IL34: variants seen among roughly 807,000 people sequenced by gnomAD.
The protein encoded by IL34 is interleukin 34, also known as interleukin-34.
In IL34, 17 loss-of-function variants were observed where a neutral mutation model predicts 25.3. The ratio of observed to expected loss-of-function variants is 0.67; its 90% CI spans 0.46 to 1.01. The LOEUF is 1.01. Ranked by LOEUF, IL34 falls within the 50% of genes least tolerant of loss-of-function variation. The probability of loss-of-function intolerance (pLI) is 0.00; values close to 1 mark genes in which losing one functional copy is unlikely to be tolerated. For synonymous variants in IL34, 174 were observed against 140.9 expected (o/e 1.23, Z -1.66); for missense variants, 368 against 312.9 (o/e 1.18, Z -1.33).
At chr16:70,634,162 C>G (rs527383444) in intron 1 of IL34, among the ~76,000 whole-genome samples, 1 of 152,104 alleles carries the variant, frequency 6.6e-6, no homozygotes, top group South Asian at 2.1e-4. Context: ...TCTCTCTCTT[C>G]TTATCAGGAC....
intron 3 of IL34, 61 bp from the exon 4 acceptor site, chr16:70,656,899 G>T: frequency 6.5e-7 from 1 of 1,539,116 alleles, no homozygotes. Flanking sequence ...CCTGGTGAGG[G>T]AGTGGTCAGA....
At chr16:70,610,188 C>T (rs555215959) in intron 1 of IL34, among the ~76,000 whole-genome samples, 28 of 145,828 alleles carry the variant, frequency 1.9e-4, no homozygotes, top group African/African-American at 6.9e-4. Flanking sequence ...GGCGAAAGAG[C>T]GAGACTCTAT....
intron 1 of IL34, among the ~76,000 whole-genome samples, chr16:70,620,335 T>C (rs1343618973): frequency 1.3e-5 from 2 of 152,168 alleles, no homozygotes; most frequent in Non-Finnish European, 2.9e-5. Flanking sequence ...GCATTCACCT[T>C]GACTATGCCT....
intron 1 of IL34, among the ~76,000 whole-genome samples, chr16:70,618,678 C>T (rs943107406): frequency 6.6e-6 from 1 of 151,984 alleles, no homozygotes; most frequent in African/African-American, 2.4e-5. Flanking sequence ...GCTAACCATG[C>T]CTAGGGAGGA....
chr16:70,624,033 G>T (rs1567449935), intron 1 of IL34, among the ~76,000 whole-genome samples: 2 of 151,950 alleles, frequency 1.3e-5, no homozygotes, highest in African/African-American at 4.8e-5. Flanking sequence ...GGCTTTCGAG[G>T]TGATCAGGCA....
Position 70,623,483 on chromosome 16 carries a change from G to A in IL34, c.-400-23065G>A, listed in dbSNP as rs550945435. Among the ~76,000 whole-genome samples, 99 of 152,216 alleles carry A rather than the reference G, an allele frequency of 6.5e-4. 1 individual carries two copies. The highest frequency in any genetic ancestry group is 2.3e-3 in the African/African-American group (97 of 41,558). ...ATAGGCTTTAAAAGGCCATGCTGTA[G>A]CAGGCGAGTGATAACAGGCTTTAAT... On this transcript the variant is annotated intron_variant, in intron 1 of 6. Transcript: ENST00000429149.
At chr16:70,605,650 G>T (rs564804806) in intron 1 of IL34, among the ~76,000 whole-genome samples, 2 of 152,182 alleles carry the variant, frequency 1.3e-5, no homozygotes, top group South Asian at 4.2e-4. Context: ...TTGTTACAAT[G>T]AGACCTCTTC....
intron 1 of IL34, among the ~76,000 whole-genome samples, chr16:70,620,752 T>C (rs2151837025): frequency 6.6e-6 from 1 of 152,244 alleles, no homozygotes; most frequent in South Asian, 2.1e-4. Context: ...AAATTCAAAG[T>C]GCTATTTTCT....
Position 70,646,960 on chromosome 16 carries a change from T to A in IL34, c.13T>A (p.Phe5Ile). 1 of 1,466,194 alleles carries A rather than the reference T, an allele frequency of 6.8e-7. No individual in the cohort carries two copies. Among genetic ancestry groups the A allele is most frequent in the Non-Finnish European group, 9.0e-7 (1 of 1,116,198 alleles). 90.8% of individuals were successfully genotyped at this position (1,466,194 alleles called of 1,614,324 possible). The change falls in exon 1 of 6, where the codon TTC (phenylalanine) becomes ATC (isoleucine). Residue 5 changes from phenylalanine to isoleucine, a missense_variant. Physicochemically the swap from Phe to Ile is conservative, Grantham distance 21. Transcript: ENST00000288098. ...GAGGAACACCACCATGCCCCGGGGC[T>A]TCACCTGGCTGCGCTGTGAGTACTG... MPRGFTWLRYLGIFL... is the reference protein window; with the variant it reads MPRGITWLRYLGIFL...
chr16:70,605,952 G>A (rs1461825183), intron 1 of IL34, among the ~76,000 whole-genome samples: 4 of 148,398 alleles, frequency 2.7e-5, no homozygotes, highest in East Asian at 2.0e-4. Flanking sequence ...GATTACAGGC[G>A]TGAGCCACCG....
At chr16:70,648,554 A>AAAG (rs1356194911) in intron 1 of IL34, among the ~76,000 whole-genome samples, 1 of 144,988 alleles carries the variant, frequency 6.9e-6, no homozygotes, top group African/African-American at 2.5e-5. Context: ...CCTGTCTTTA[A>AAAG]AAAAAAAAAA....
intron 1 of IL34, among the ~76,000 whole-genome samples, chr16:70,599,293 C>CTTTCTT (rs113794220): frequency 0.017 from 2,272 of 132,794 alleles, 83 homozygotes; most frequent in East Asian, 0.053. Flanking sequence ...TTCTTTCTTT[C>CTTTCTT]TTCTTTCTTT....
chr16:70,642,246 GAGAGAGAGACAAAGACAGAGAC>G (rs1260802161), upstream of IL34, among the ~76,000 whole-genome samples: 1 of 150,792 alleles, frequency 6.6e-6, no homozygotes, highest in Non-Finnish European at 1.5e-5. Context: ...GAGACAGAGA[GAGAGAGAGACAAAGACAGAGAC>G]AGAGAGAGTG....
chr16:70,628,635 C>T (rs564870804), intron 1 of IL34, among the ~76,000 whole-genome samples: 77 of 151,708 alleles, frequency 5.1e-4, no homozygotes, highest in East Asian at 1.7e-3. Context: ...TACAGGCACC[C>T]GCCACCATGC....
intron 1 of IL34, among the ~76,000 whole-genome samples, chr16:70,616,339 C>T (rs892431097): frequency 5.9e-5 from 9 of 152,148 alleles, no homozygotes; most frequent in African/African-American, 2.2e-4. Flanking sequence ...CGCATCATTG[C>T]CAACACATTA....
At chr16:70,644,912 GAGGAGA>G (rs1364612273), upstream of IL34, among the ~76,000 whole-genome samples, 4 of 94,274 alleles carry the variant, frequency 4.2e-5, no homozygotes, top group Non-Finnish European at 8.9e-5. Context: ...GAAGAGGAGG[GAGGAGA>G]AGGAGGAGGA....
intron 1 of IL34, among the ~76,000 whole-genome samples, chr16:70,634,944 C>T (rs1348194189): frequency 6.6e-6 from 1 of 152,146 alleles, no homozygotes; most frequent in African/African-American, 2.4e-5. Context: ...TAATATTCCA[C>T]TGTCTGATTA....
At chr16:70,657,884 A>G (rs1434435996) in intron 4 of IL34, among the ~76,000 whole-genome samples, 1 of 152,116 alleles carries the variant, frequency 6.6e-6, no homozygotes, top group South Asian at 2.1e-4. Context: ...TGTGAGCCCT[A>G]ATGTAAATTA....
Position 70,587,176 on chromosome 16 carries a change from G to T in IL34, c.-401+7127G>T, listed in dbSNP as rs527622301. ...CCCTGGGTGGAGATCAATGCTGGAG[G>T]CCCTAGGGTGGCCACTGAGCCACCC... On this transcript the variant is annotated intron_variant, in intron 1 of 6. Coordinates refer to the IL34 transcript ENST00000429149. Among the ~76,000 whole-genome samples the T allele has an allele frequency of 2.1e-4, 32 of 152,194 alleles. No individual in the cohort carries two copies. In the South Asian group the frequency reaches 6.0e-3, roughly 29 times the overall value.
Sources: allele counts gnomAD v4.1 joint callset (sites outside exome capture counted in the v4.1 genomes callset), GRCh38; gene constraint gnomAD v4.1.1; transcripts MANE v1.5; gene names NCBI Gene and HGNC (gene_info 2026-07-23, HGNC 2026-07-21).